MCF2L2: variants seen among roughly 807,000 people sequenced by gnomAD.
MCF2L2 encodes the protein probable guanine nucleotide exchange factor MCF2L2.
Under a neutral mutation model 150.2 loss-of-function variants are expected in MCF2L2, and 102 were observed. That is an observed-to-expected ratio of 0.68 (90% CI 0.58 to 0.80). The LOEUF (loss-of-function observed/expected upper bound fraction) is 0.80. Among genes scored for constraint, MCF2L2 ranks in the 30% least tolerant of loss-of-function variants. The pLI is 0.00. For missense variants in MCF2L2, 1,256 were observed against 1,372.8 expected (o/e 0.91, Z 1.34); for synonymous variants, 465 against 491.3 (o/e 0.95, Z 0.71).
At chr3:183,320,130 T>C (rs944863179) in intron 6 of MCF2L2, among the ~76,000 whole-genome samples, 1 of 151,188 alleles carries the variant, frequency 6.6e-6, no homozygotes, top group Non-Finnish European at 1.5e-5. Flanking sequence ...TTTGCTCTTG[T>C]TGCCCAGGCT....
intron 1 of MCF2L2, among the ~76,000 whole-genome samples, chr3:183,395,887 C>T (rs973495514): frequency 5.0e-5 from 7 of 139,888 alleles, no homozygotes; most frequent in Non-Finnish European, 1.1e-4. Flanking sequence ...CACTGCACTC[C>T]AGCCTGGGCA....
At chr3:183,341,388 G>GA (rs1463562007) in intron 4 of MCF2L2, 152 bp downstream of exon 4, 1 of 641,556 alleles carries the variant, frequency 1.6e-6, no homozygotes, top group Non-Finnish European at 2.8e-6. Context: ...GATGGCAGAG[G>GA]AGATAGGGAT....
rs1726710681 is a variant in MCF2L2 at position 183,270,902 on chromosome 3, G to A, written c.1862+5970C>T. 3.1e-6 allele frequency: 5 copies of A among 1,603,968 alleles called. No homozygotes were observed. Among genetic ancestry groups the A allele is most frequent in the Non-Finnish European group, 4.3e-6 (5 of 1,176,050 alleles). On this transcript the variant is annotated intron_variant, in intron 15 of 29. Transcript: ENST00000328913. This position sits in a 1 kb window ranked among gnomAD's most constrained non-coding sequence, Gnocchi z 4.5. ...TTCTCCTTTGTAAAATTAGCTATGT[G>A]GACACATACCCTTGTAGGGCTGCGT... is the stretch of plus-strand genomic sequence containing the variant.
chr3:183,305,262 G>C lies in MCF2L2; in HGVS notation c.1113+4454C>G, dbSNP rs753830786. ...ACTTAGAGACCTCATTTGGTTGCTCGAACTTGTCTGACTTTAGTCAAATAT... is the reference window on the plus strand; with the variant it reads ...ACTTAGAGACCTCATTTGGTTGCTCCAACTTGTCTGACTTTAGTCAAATAT... On this transcript the variant is annotated intron_variant, in intron 10 of 29. Transcript: ENST00000328913. This position sits in a 1 kb window ranked among gnomAD's most constrained non-coding sequence, Gnocchi z 4.1. Among the ~76,000 whole-genome samples, 1 of 151,772 alleles carries C rather than the reference G, an allele frequency of 6.6e-6. No homozygotes were observed. The highest frequency in any genetic ancestry group is 2.4e-5 in the African/African-American group (1 of 41,270).
At chr3:183,185,382 T>A (rs182698835) in intron 27 of MCF2L2, among the ~76,000 whole-genome samples, 134 of 152,354 alleles carry the variant, frequency 8.8e-4, no homozygotes, top group Middle Eastern at 6.8e-3. Context: ...TGCTAACAAT[T>A]CCATGCTTTC....
chr3:183,269,230 C>CTTTTTTTTTTTTTTTAT (rs1726473789), intron 15 of MCF2L2, among the ~76,000 whole-genome samples: 1 of 81,030 alleles, frequency 1.2e-5, no homozygotes, highest in African/African-American at 6.4e-5. Context: ...GTTTGGGAAG[C>CTTTTTTTTTTTTTTTAT]TTTTTTTTTT....
intron 1 of MCF2L2, among the ~76,000 whole-genome samples, chr3:183,412,034 C>T (rs1715339188): frequency 2.6e-5 from 4 of 152,218 alleles, no homozygotes; most frequent in Admixed American, 2.0e-4. Context: ...TCTGCTTCCA[C>T]TAGAAGCCAG....
At chr3:183,224,268 T>C (rs1406829951) in intron 18 of MCF2L2, 78 bp from the exon 19 acceptor site, 4 of 918,768 alleles carry the variant, frequency 4.4e-6, no homozygotes, top group Non-Finnish European at 7.1e-6. Context: ...GTTTATTCAT[T>C]CATTCAACAA....
At position 183,276,965 on chromosome 3, in the gene MCF2L2, G is replaced by C; in HGVS notation, c.1777-8C>G. On this transcript the variant is annotated splice_polypyrimidine_tract_variant and splice_region_variant and intron_variant, in intron 14 of 29. Transcript: ENST00000328913. ...TTCAAAGATTTCTTCACTCTGAAGT[G>C]AAAGAAATTTTGGTAAGATTTGATA... 1 of 1,581,524 alleles carries C rather than the reference G, an allele frequency of 6.3e-7. No homozygotes were observed. Among genetic ancestry groups the C allele is most frequent in the Non-Finnish European group, 8.6e-7 (1 of 1,157,554 alleles).
At chr3:183,364,541 T>C (rs1482545764) in intron 3 of MCF2L2, among the ~76,000 whole-genome samples, 3 of 151,216 alleles carry the variant, frequency 2.0e-5, no homozygotes, top group South Asian at 2.1e-4. Flanking sequence ...AAACAAAAGA[T>C]AAAGGCAGAA....
At chr3:183,400,805 C>A (rs144936101) in intron 1 of MCF2L2, among the ~76,000 whole-genome samples, 97 of 151,410 alleles carry the variant, frequency 6.4e-4, no homozygotes, top group Non-Finnish European at 1.2e-3. Flanking sequence ...AATCAGGCCA[C>A]CAGATACTTA....
intron 3 of MCF2L2, among the ~76,000 whole-genome samples, chr3:183,368,212 G>T (rs946491179): frequency 2.6e-5 from 4 of 152,116 alleles, no homozygotes; most frequent in Non-Finnish European, 5.9e-5. Context: ...TAGACTTACT[G>T]AATCAGAAAT....
rs529628435 is a variant in MCF2L2 at position 183,181,827 on chromosome 3, G to A, written c.3017-1668C>T. Among the ~76,000 whole-genome samples the A allele has an allele frequency of 1.4e-4, 21 of 152,244 alleles. No homozygotes were observed. The highest frequency in any genetic ancestry group is 4.3e-4 in the African/African-American group (18 of 41,556). ...GGTTGGGCCTGGCTCAGGAGCCTTC[G>A]TCAGCCATAGGCAGCCACAGCCTGG... On this transcript the variant is annotated intron_variant, in intron 27 of 29. Coordinates refer to ENST00000328913, the MANE Select transcript of MCF2L2 (RefSeq NM_015078.4). This position sits in a 1 kb window ranked among gnomAD's most constrained non-coding sequence, Gnocchi z 4.3.
chr3:183,207,767 T>C lies in MCF2L2; in HGVS notation c.2553A>G (p.Thr851=). 6.2e-7 allele frequency: 1 copy of C among 1,614,230 alleles called. No homozygotes were observed. Among genetic ancestry groups the C allele is most frequent in the Non-Finnish European group, 8.5e-7 (1 of 1,180,034 alleles). Residue 851 remains threonine (T), a synonymous_variant, in exon 23 of 30, where the codon ACA becomes ACG. Coordinates refer to ENST00000328913, the MANE Select transcript of MCF2L2 (RefSeq NM_015078.4). ...TCATTTTATAACGATCCTTGTGAAT[T>C]GTCCAGACGCTGAAAGGGCCGTGCA... ...LLLHGPFSVW[T]IHKDRYKMKD...
At chr3:183,394,910 C>T (rs1438002748) in intron 1 of MCF2L2, among the ~76,000 whole-genome samples, 4 of 152,188 alleles carry the variant, frequency 2.6e-5, no homozygotes, top group Non-Finnish European at 5.9e-5. Flanking sequence ...AGTCGTTTCT[C>T]AATCTTTTAC....
intron 26 of MCF2L2, among the ~76,000 whole-genome samples, chr3:183,193,353 C>T (rs117627806): frequency 8.9e-4 from 97 of 109,354 alleles, no homozygotes; most frequent in African/African-American, 4.9e-3. Context: ...TTTTCTTTTT[C>T]TTTCTTTTTT....
chr3:183,421,923 T>C (rs1043348498), intron 1 of MCF2L2, among the ~76,000 whole-genome samples: 2 of 152,236 alleles, frequency 1.3e-5, no homozygotes, highest in African/African-American at 2.4e-5. Flanking sequence ...GTTGTGCCCA[T>C]AGTCTGTGTG....
intron 25 of MCF2L2, among the ~76,000 whole-genome samples, chr3:183,196,112 C>T (rs1722074494): frequency 1.3e-5 from 2 of 152,238 alleles, no homozygotes; most frequent in South Asian, 4.1e-4. Context: ...CAGTGCCTGC[C>T]TCCCTCCTCG....
At chr3:183,309,670 C>T (rs1729270658) in intron 10 of MCF2L2, 46 bp downstream of exon 10, 1 of 1,613,232 alleles carries the variant, frequency 6.2e-7, no homozygotes, top group African/African-American at 1.3e-5. Flanking sequence ...CCATCATTGT[C>T]CACAGCAACC....
Sources: allele counts gnomAD v4.1 joint callset (sites outside exome capture counted in the v4.1 genomes callset), GRCh38; gene constraint gnomAD v4.1.1; non-coding constraint Gnocchi (gnomAD v3.1); transcripts MANE v1.5; gene names NCBI Gene and HGNC (gene_info 2026-07-23, HGNC 2026-07-21).